The following FGF12 variants were observed in gnomAD, a reference collection of about 807,000 sequenced individuals.
FGF12 encodes the protein fibroblast growth factor 12B.
In FGF12, 14 loss-of-function variants were observed where a neutral mutation model predicts 23.6. The ratio of observed to expected loss-of-function variants is 0.59; its 90% confidence interval spans 0.39 to 0.93. The LOEUF (loss-of-function observed/expected upper bound fraction) is 0.93, where lower values mean the gene tolerates loss of function less well. Ranked by LOEUF, FGF12 falls within the 40% of genes least tolerant of loss-of-function variation. The pLI is 0.00. For missense variants in FGF12, 175 were observed against 217.8 expected (o/e 0.80, Z 1.24); for synonymous variants, 62 against 77.3 (o/e 0.80, Z 1.04).
At position 192,681,014 on chromosome 3, in the gene FGF12, T is replaced by C. The variant is rs144596787; in HGVS notation, c.13+46167A>G. Among the ~76,000 whole-genome samples, 282 of 152,356 alleles carry C rather than the reference T, an allele frequency of 1.9e-3. 1 individual carries two copies. Among genetic ancestry groups the C allele is most frequent in the African/African-American group, 6.5e-3 (271 of 41,580 alleles). On this transcript the variant is annotated intron_variant, in intron 2 of 5. Coordinates refer to ENST00000445105, the MANE Select transcript of FGF12 (RefSeq NM_004113.6). ...TCAGCTGAACAAGTCTTCAGGTTATTTGGTTGTTCAATAATATAGGCAGCT... is the reference window on the plus strand; with the variant it reads ...TCAGCTGAACAAGTCTTCAGGTTATCTGGTTGTTCAATAATATAGGCAGCT...
At chr3:192,222,983 C>T (rs911042899) in intron 4 of FGF12, among the ~76,000 whole-genome samples, 4 of 152,168 alleles carry the variant, frequency 2.6e-5, no homozygotes, top group Non-Finnish European at 4.4e-5. Context: ...TCTTCAGTTG[C>T]ACGTATTCCG....
At chr3:192,638,262 T>C (rs930535902) in intron 2 of FGF12, among the ~76,000 whole-genome samples, 2 of 152,248 alleles carry the variant, frequency 1.3e-5, no homozygotes, top group African/African-American at 4.8e-5. Context: ...CAACTTATTG[T>C]TCTTCCTTCC....
chr3:192,659,745 T>C (rs543459709), intron 2 of FGF12, among the ~76,000 whole-genome samples: 32 of 152,268 alleles, frequency 2.1e-4, no homozygotes, highest in African/African-American at 5.8e-4. Flanking sequence ...ATGGTTGAAC[T>C]AGTTTACAGT....
chr3:192,306,175 A>C (rs1279512605), intron 4 of FGF12, among the ~76,000 whole-genome samples: 1 of 152,154 alleles, frequency 6.6e-6, no homozygotes, highest in Admixed American at 6.5e-5. Context: ...AAAAATGTAC[A>C]CAAAAACACA....
At chr3:192,390,379 T>C (rs1188784598) in intron 2 of FGF12, among the ~76,000 whole-genome samples, 1 of 152,240 alleles carries the variant, frequency 6.6e-6, no homozygotes, top group African/African-American at 2.4e-5. Flanking sequence ...ACAGTCATTT[T>C]AAAGCCATTT....
chr3:192,501,571 T>C (rs1006404980), intron 2 of FGF12, among the ~76,000 whole-genome samples: 2 of 152,054 alleles, frequency 1.3e-5, no homozygotes, highest in African/African-American at 2.4e-5. Flanking sequence ...TAACTACAAA[T>C]AGAATATTTC....
At chr3:192,588,540 G>A (rs1409686604) in intron 2 of FGF12, among the ~76,000 whole-genome samples, 2 of 151,718 alleles carry the variant, frequency 1.3e-5, no homozygotes, top group African/African-American at 4.8e-5. Context: ...AACGATGTTA[G>A]GAACAAGAAA....
At chr3:192,491,514 T>C (rs1723802804) in intron 2 of FGF12, among the ~76,000 whole-genome samples, 2 of 152,270 alleles carry the variant, frequency 1.3e-5, no homozygotes, top group South Asian at 4.1e-4. Context: ...TGAACTTATT[T>C]ACAAGCCTTC....
chr3:192,252,884 T>TTTGAAACA (rs1376802216), intron 4 of FGF12, among the ~76,000 whole-genome samples: 1 of 152,158 alleles, frequency 6.6e-6, no homozygotes, highest in Non-Finnish European at 1.5e-5. Context: ...ATTATTGCCT[T>TTTGAAACA]TTGAAACATT....
chr3:192,540,967 T>C (rs1320796278), intron 2 of FGF12, among the ~76,000 whole-genome samples: 3 of 152,234 alleles, frequency 2.0e-5, no homozygotes, highest in African/African-American at 7.2e-5. Flanking sequence ...GCTGCTCTTT[T>C]TGGTTTCTAC....
intron 2 of FGF12, among the ~76,000 whole-genome samples, chr3:192,587,180 T>G (rs1713408242): frequency 6.7e-6 from 1 of 148,466 alleles, no homozygotes; most frequent in Non-Finnish European, 1.5e-5. Context: ...TGAAAAGACA[T>G]TACCTTCTGG....
intron 2 of FGF12, among the ~76,000 whole-genome samples, chr3:192,571,051 C>T (rs1712609184): frequency 6.6e-6 from 1 of 151,916 alleles, no homozygotes; most frequent in African/African-American, 2.4e-5. Context: ...TTTCCAATTC[C>T]TCTCTGCTTT....
intron 4 of FGF12, among the ~76,000 whole-genome samples, chr3:192,206,489 T>C (rs1001027262): frequency 2.0e-5 from 3 of 152,190 alleles, no homozygotes; most frequent in African/African-American, 7.2e-5. Flanking sequence ...CGTAATAGGT[T>C]CATATTTATA....
At chr3:192,285,068 C>T (rs1714372697) in intron 4 of FGF12, among the ~76,000 whole-genome samples, 1 of 152,032 alleles carries the variant, frequency 6.6e-6, no homozygotes, top group African/African-American at 2.4e-5. Context: ...TTGTAGTATA[C>T]TAAGTACTAT....
At chr3:192,594,747 T>C (rs1314345138) in intron 2 of FGF12, among the ~76,000 whole-genome samples, 2 of 151,986 alleles carry the variant, frequency 1.3e-5, no homozygotes, top group African/African-American at 4.8e-5. Context: ...TGCCATGTTA[T>C]GATGCCGTAA....
intron 2 of FGF12, among the ~76,000 whole-genome samples, chr3:192,554,791 G>GAAA (rs34936489): frequency 6.7e-6 from 1 of 148,190 alleles, no homozygotes; most frequent in Non-Finnish European, 1.5e-5. Flanking sequence ...ATGAGCTAAG[G>GAAA]AAAAAAAAAA....
intron 2 of FGF12, among the ~76,000 whole-genome samples, chr3:192,416,542 A>G (rs1365820840): frequency 6.6e-6 from 1 of 152,114 alleles, no homozygotes; most frequent in Non-Finnish European, 1.5e-5. Flanking sequence ...GAGTGGACAG[A>G]TGTTTGTATG....
intron 4 of FGF12, among the ~76,000 whole-genome samples, chr3:192,283,590 A>G (rs76128446): frequency 0.07 from 10,650 of 152,158 alleles, 503 homozygotes; most frequent in Non-Finnish European, 0.1. Flanking sequence ...TTGGGAGAGA[A>G]TATCATTTTA....
intron 2 of FGF12, among the ~76,000 whole-genome samples, chr3:192,389,751 C>CA (rs1331739499): frequency 6.6e-6 from 1 of 151,932 alleles, no homozygotes; most frequent in Non-Finnish European, 1.5e-5. Flanking sequence ...CAGAAGTGTC[C>CA]AATATAAACT....
Sources: allele counts gnomAD v4.1 joint callset (sites outside exome capture counted in the v4.1 genomes callset), GRCh38; gene constraint gnomAD v4.1.1; transcripts MANE v1.5; gene names NCBI Gene and HGNC (gene_info 2026-07-23, HGNC 2026-07-21).